DPYSL5: variants seen among roughly 807,000 people sequenced by gnomAD.
The protein encoded by DPYSL5 is dihydropyrimidinase like 5, also known as dihydropyrimidinase-related protein 5.
In DPYSL5, 9 loss-of-function variants were observed where a neutral mutation model predicts 58.4. That is an observed-to-expected ratio of 0.15 (90% CI 0.09 to 0.27). The LOEUF (loss-of-function observed/expected upper bound fraction) is 0.27, where lower values mean the gene tolerates loss of function less well. Ranked by LOEUF, DPYSL5 falls within the 10% of genes least tolerant of loss-of-function variation. The probability of loss-of-function intolerance (pLI) is 1.00; values close to 1 mark genes in which losing one functional copy is unlikely to be tolerated. For synonymous variants in DPYSL5, 293 were observed against 301.9 expected (o/e 0.97, Z 0.31); for missense variants, 499 against 770.6 (o/e 0.65, Z 4.17).
chr2:26,854,660 G>T (rs1034429649), intron 1 of DPYSL5, among the ~76,000 whole-genome samples: 1 of 152,060 alleles, frequency 6.6e-6, no homozygotes, highest in Admixed American at 6.6e-5. Flanking sequence ...CTCTTTTCTC[G>T]TCCAGGTGGC....
chr2:26,870,763 AT>A (rs986480274), intron 1 of DPYSL5, among the ~76,000 whole-genome samples: 1 of 151,874 alleles, frequency 6.6e-6, no homozygotes, highest in Non-Finnish European at 1.5e-5. Context: ...TCAAACTGTC[AT>A]TTTTTGACAA....
At position 26,905,617 on chromosome 2, in the gene DPYSL5, T is replaced by C. The variant is rs906081976; in HGVS notation, c.261+6857T>C. On this transcript the variant is annotated intron_variant, in intron 2 of 12. Transcript: ENST00000288699. The surrounding 1 kb of genome is among the most constrained non-coding windows in gnomAD (Gnocchi z 4.0). ...CCGGCCTAGCTGTGGGGGCTGGGAT[T>C]GGCATAGCTGGGCTCCTCTCTCCAC... Among the ~76,000 whole-genome samples, 1 of 152,096 alleles carries C rather than the reference T, an allele frequency of 6.6e-6. No individual in the cohort carries two copies. The highest frequency in any genetic ancestry group is 1.5e-5 in the Non-Finnish European group (1 of 68,014).
chr2:26,883,430 ACT>A (rs1287595098), intron 1 of DPYSL5, among the ~76,000 whole-genome samples: 6 of 151,998 alleles, frequency 3.9e-5, no homozygotes, highest in African/African-American at 1.4e-4. Context: ...GCAGAGTCTC[ACT>A]CTGTCACTCA....
rs546811071 is a variant in DPYSL5, at chr2:26,861,529, C to T, written c.-5+13275C>T. 4.6e-5 allele frequency among the ~76,000 whole-genome samples: 7 copies of T among 152,250 alleles called. No homozygotes were observed. In the South Asian group the frequency reaches 1.5e-3, roughly 32 times the overall value. ...TTAGTCATTTCACAGAGGAGGAACC[C>T]ACAGGGCACTTTAGCTTTCAGTGAG... On this transcript the variant is annotated intron_variant, in intron 1 of 12. Transcript: ENST00000288699.
At chr2:26,945,331 A>G (rs188623283) in intron 12 of DPYSL5, among the ~76,000 whole-genome samples, 18 of 134,878 alleles carry the variant, frequency 1.3e-4, no homozygotes, top group Admixed American at 1.3e-3. Context: ...CAGGAATTGT[A>G]TTGTATATAT....
chr2:26,879,229 G>C (rs1663490752), intron 1 of DPYSL5, among the ~76,000 whole-genome samples: 1 of 152,156 alleles, frequency 6.6e-6, no homozygotes, highest in African/African-American at 2.4e-5. Context: ...CTTCAGCAAT[G>C]GGTTTGGAGA....
intron 1 of DPYSL5, among the ~76,000 whole-genome samples, chr2:26,893,035 G>A (rs1034598720): frequency 2.6e-5 from 4 of 152,176 alleles, no homozygotes; most frequent in East Asian, 1.9e-4. Flanking sequence ...CTGCCCTGTC[G>A]CCTTCCACTC....
In DPYSL5 at chr2:26,937,866, G is replaced by A. The variant is rs552480067; in HGVS notation, c.948-2165G>A. Among the ~76,000 whole-genome samples the A allele has an allele frequency of 9.2e-5, 14 of 151,852 alleles. No individual in the cohort carries two copies. In the South Asian group the frequency reaches 2.3e-3, roughly 25 times the overall value. On this transcript the variant is annotated intron_variant, in intron 8 of 12. Coordinates refer to ENST00000288699, the MANE Select transcript of DPYSL5 (RefSeq NM_020134.4). ...CAGGCGTGAGCCACCCTGCACCACC[G>A]TGCCCAGCCTAATTTTTGTATTTTT...
At position 26,933,893 on chromosome 2, in the gene DPYSL5, G is replaced by A. The variant is rs1665100834; in HGVS notation, c.790+560G>A. Among the ~76,000 whole-genome samples, 1 of 152,132 alleles carries A rather than the reference G, an allele frequency of 6.6e-6. No individual in the cohort carries two copies. The highest frequency in any genetic ancestry group is 6.5e-5 in the Admixed American group (1 of 15,268). ...CAGCCCCGCCCCAGGTGCTGGTGAG[G>A]GCCTGGCAGCAGGAGAAACAAAGTC... On this transcript the variant is annotated intron_variant, in intron 7 of 12. Transcript: ENST00000288699. The surrounding 1 kb of genome is among the most constrained non-coding windows in gnomAD (Gnocchi z 4.2).
intron 1 of DPYSL5, among the ~76,000 whole-genome samples, chr2:26,883,543 C>G (rs1180311071): frequency 6.6e-6 from 1 of 152,126 alleles, no homozygotes. Context: ...GGATTACAGG[C>G]ACGCACCATC....
chr2:26,942,720 T>C lies in DPYSL5; in HGVS notation c.1410T>C (p.Thr470=), dbSNP rs746957066. The change falls in exon 11 of 13, where the codon ACT becomes ACC. Residue 470 remains threonine, a synonymous_variant. Coordinates refer to ENST00000288699, the MANE Select transcript of DPYSL5 (RefSeq NM_020134.4). The surrounding 1 kb of genome is among the most constrained non-coding windows in gnomAD (Gnocchi z 5.9). ...GTCCCCTGAGGTCCTTCCCAGACAC[T>C]GTCTACAAGAAGCTGGTCCAGAGAG... ...KFCPLRSFPD[T]VYKKLVQREK... 11 of 1,613,952 alleles carry C rather than the reference T, an allele frequency of 6.8e-6. No homozygotes were observed. The highest frequency in any genetic ancestry group is 1.3e-5 in the African/African-American group (1 of 74,914).
In DPYSL5 at chr2:26,902,554, A is replaced by G. The variant is rs906850645; in HGVS notation, c.261+3794A>G. ...CCTTTTCTGCCTCCCTATCCCTACA[A>G]ACATATTTTAAGGACCGCTGTCTAG... On this transcript the variant is annotated intron_variant, in intron 2 of 12. Transcript: ENST00000288699. Among the ~76,000 whole-genome samples, 9 of 152,090 alleles carry G rather than the reference A, an allele frequency of 5.9e-5. No individual in the cohort carries two copies. In the South Asian group the frequency reaches 6.2e-4, roughly 11 times the overall value.
intron 2 of DPYSL5, among the ~76,000 whole-genome samples, chr2:26,903,251 A>G (rs1332421860): frequency 1.3e-5 from 2 of 152,030 alleles, no homozygotes; most frequent in Non-Finnish European, 2.9e-5. Context: ...TTGTATTTTT[A>G]GTAGAGAATG....
At chr2:26,884,520 T>TCACACACACACA (rs3070961) in intron 1 of DPYSL5, among the ~76,000 whole-genome samples, 2 of 145,530 alleles carry the variant, frequency 1.4e-5, no homozygotes, top group African/African-American at 5.1e-5. Context: ...TTGTCCTATC[T>TCACACACACACA]CACACACACA....
At chr2:26,881,205 G>A (rs554018785) in intron 1 of DPYSL5, among the ~76,000 whole-genome samples, 41 of 152,124 alleles carry the variant, frequency 2.7e-4, no homozygotes, top group African/African-American at 6.0e-4. Context: ...CTCTGTGCCC[G>A]TCTCATCCTC....
intron 6 of DPYSL5, among the ~76,000 whole-genome samples, chr2:26,932,582 T>TTCC (rs1470462252): frequency 6.6e-6 from 1 of 152,272 alleles, no homozygotes; most frequent in Admixed American, 6.5e-5. Context: ...TATCAATTAC[T>TTCC]TCCTGGTGGA....
rs1664774531 is a variant in DPYSL5 at position 26,924,364 on chromosome 2, G to A, written c.262-523G>A. Among the ~76,000 whole-genome samples, 1 of 152,174 alleles carries A rather than the reference G, an allele frequency of 6.6e-6. No homozygotes were observed. The highest frequency in any genetic ancestry group is 1.5e-5 in the Non-Finnish European group (1 of 68,036). On this transcript the variant is annotated intron_variant, in intron 2 of 12. Transcript: ENST00000288699. The surrounding 1 kb of genome is among the most constrained non-coding windows in gnomAD (Gnocchi z 4.7). ...AACAAAATTGCTTCATGAAATTTGA[G>A]AGCATAAAACAAAACAATATATCCA... is the stretch of plus-strand genomic sequence containing the variant.
Position 26,868,754 on chromosome 2 carries a change from C to G in DPYSL5, c.-5+20500C>G, listed in dbSNP as rs141877860. The stretch of plus-strand genomic sequence containing the variant: ...CTACTAAGGAAGCCCTTCATCTTCC[C>G]CACACTATTCCTTTTTATAATTTTC... On this transcript the variant is annotated intron_variant, in intron 1 of 12. Coordinates refer to ENST00000288699, the MANE Select transcript of DPYSL5 (RefSeq NM_020134.4). Among the ~76,000 whole-genome samples, 5 of 152,280 alleles carry G rather than the reference C, an allele frequency of 3.3e-5. No homozygotes were observed. In the East Asian group the frequency reaches 9.6e-4, roughly 29 times the overall value.
intron 5 of DPYSL5, among the ~76,000 whole-genome samples, chr2:26,929,789 C>T (rs545702052): frequency 2.4e-4 from 37 of 152,330 alleles, no homozygotes; most frequent in Non-Finnish European, 4.0e-4. Flanking sequence ...TCCCTGTGCA[C>T]AGTTTTGCAT....
Sources: allele counts gnomAD v4.1 joint callset (sites outside exome capture counted in the v4.1 genomes callset), GRCh38; gene constraint gnomAD v4.1.1; non-coding constraint Gnocchi (gnomAD v3.1); transcripts MANE v1.5; gene names NCBI Gene and HGNC (gene_info 2026-07-23, HGNC 2026-07-21).